The following STX11 variants were observed in gnomAD, a reference collection of about 807,000 sequenced individuals.
STX11 encodes the protein syntaxin 11.
STX11 carries 21 observed loss-of-function variants against 19.9 expected under a neutral mutation model. The ratio of observed to expected loss-of-function variants is 1.06; its 90% CI spans 0.75 to 1.52. STX11 has a LOEUF of 1.52. Among genes scored for constraint, STX11 ranks in the 40% most tolerant of loss-of-function variants. The pLI is 0.00. For missense variants in STX11, 438 were observed against 405.9 expected (o/e 1.08, Z -0.68); for synonymous variants, 193 against 174.4 (o/e 1.11, Z -0.84).
At position 144,175,380 on chromosome 6, in the gene STX11, G is replaced by A. The variant is rs1801753446; in HGVS notation, c.-5-11243G>A. Among the ~76,000 whole-genome samples the A allele has an allele frequency of 6.6e-6, 1 of 152,048 alleles. No individual in the cohort carries two copies. Among genetic ancestry groups the A allele is most frequent in the Non-Finnish European group, 1.5e-5 (1 of 67,998 alleles). ...AAATGGAAATGGCAATTACATAAGA[G>A]TTTTTTTCCACTTTGCTAATAACAT... On this transcript the variant is annotated intron_variant, in intron 1 of 1. Transcript: ENST00000367568. The surrounding 1 kb of genome is among the most constrained non-coding windows in gnomAD (Gnocchi z 5.1).
chr6:144,141,098 A>G, the STX11 span, among the ~76,000 whole-genome samples: 8 of 152,366 alleles, frequency 5.3e-5, no homozygotes, highest in South Asian at 4.1e-4. Flanking sequence ...ATGAGTATTG[A>G]GTAACAGTCT....
the STX11 span, among the ~76,000 whole-genome samples, chr6:144,142,314 A>C: frequency 6.6e-6 from 1 of 152,128 alleles, no homozygotes; most frequent in Non-Finnish European, 1.5e-5. Context: ...AAAATTGTAC[A>C]TTTAAAACAA....
upstream of STX11, chr6:144,150,430 C>T: frequency 6.4e-6 from 6 of 938,348 alleles, no homozygotes; most frequent in East Asian, 1.2e-4. Context: ...CGGCTGCCGC[C>T]GCGCCCCAGC....
Position 144,151,234 on chromosome 6 carries a change from A to G in STX11, c.-6+531A>G. 3.0e-6 allele frequency: 3 copies of G among 985,392 alleles called. No individual in the cohort carries two copies. Among genetic ancestry groups the G allele is most frequent in the Non-Finnish European group, 3.6e-6 (3 of 829,908 alleles). 61.0% of individuals were successfully genotyped at this position (985,392 alleles called of 1,614,324 possible). On this transcript the variant is annotated intron_variant, in intron 1 of 1. Transcript: ENST00000367568. This position sits in a 1 kb window ranked among gnomAD's most constrained non-coding sequence, Gnocchi z 4.6. Reference sequence around the variant, plus strand: ...CGAAGCCCACGTAAGACTTTGTTTTAGAAACATGGAGAGAAGTAGTGGCAA... The same window carrying G: ...CGAAGCCCACGTAAGACTTTGTTTTGGAAACATGGAGAGAAGTAGTGGCAA...
rs1445116061 is a variant in STX11 at position 144,191,667 on chromosome 6, A to G, written c.*4176A>G. On this transcript the variant is annotated 3_prime_UTR_variant, in exon 2 of 2. Coordinates refer to ENST00000367568, the MANE Select transcript of STX11 (RefSeq NM_003764.4). ...TATCTCCAACTGCAGCATGCAACTCATTCATTTGTAATCAAGACGATAGTT... is the reference window on the plus strand; with the variant it reads ...TATCTCCAACTGCAGCATGCAACTCGTTCATTTGTAATCAAGACGATAGTT... 6.6e-6 allele frequency among the ~76,000 whole-genome samples: 1 copy of G among 152,212 alleles called. No homozygotes were observed. The highest frequency in any genetic ancestry group is 2.4e-5 in the African/African-American group (1 of 41,452).
Position 144,174,192 on chromosome 6 carries a change from T to C in STX11, c.-5-12431T>C, listed in dbSNP as rs1801716369. ...CATATAGTGGAATTAAGCTACCCAA[T>C]AGCAAGCCCTTTTGCACAAATGCTT... On this transcript the variant is annotated intron_variant, in intron 1 of 1. Transcript: ENST00000367568. This position sits in a 1 kb window ranked among gnomAD's most constrained non-coding sequence, Gnocchi z 5.3. Among the ~76,000 whole-genome samples, 1 of 152,120 alleles carries C rather than the reference T, an allele frequency of 6.6e-6. No homozygotes were observed. Among genetic ancestry groups the C allele is most frequent in the African/African-American group, 2.4e-5 (1 of 41,432 alleles).
the STX11 span, among the ~76,000 whole-genome samples, chr6:144,141,444 C>T: frequency 6.6e-6 from 1 of 152,212 alleles, no homozygotes; most frequent in Non-Finnish European, 1.5e-5. Flanking sequence ...TTTTTCGCCA[C>T]ATGTTTTCTA....
At position 144,170,320 on chromosome 6, in the gene STX11, A is replaced by T. The variant is rs1025639129; in HGVS notation, c.-5-16303A>T. Among the ~76,000 whole-genome samples the T allele has an allele frequency of 2.0e-5, 3 of 152,222 alleles. No homozygotes were observed. Among genetic ancestry groups the T allele is most frequent in the Non-Finnish European group, 4.4e-5 (3 of 68,044 alleles). ...TATTGGTGCATCCAGCCTGCTGCAC[A>T]CATGCCATTTTATTACCTTTTGTCT... On this transcript the variant is annotated intron_variant, in intron 1 of 1. Coordinates refer to ENST00000367568, the MANE Select transcript of STX11 (RefSeq NM_003764.4). This position sits in a 1 kb window ranked among gnomAD's most constrained non-coding sequence, Gnocchi z 4.7.
rs1801032272 is a variant in STX11 at position 144,152,563 on chromosome 6, G to A, written c.-6+1860G>A. On this transcript the variant is annotated intron_variant, in intron 1 of 1. Transcript: ENST00000367568. The surrounding 1 kb of genome is among the most constrained non-coding windows in gnomAD (Gnocchi z 4.9). ...GAAATTCAGCTGATTATCACCCCTGGACAATTGCAGTCACCTTTAGTTAAC... is the reference window on the plus strand; with the variant it reads ...GAAATTCAGCTGATTATCACCCCTGAACAATTGCAGTCACCTTTAGTTAAC... 6.6e-6 allele frequency among the ~76,000 whole-genome samples: 1 copy of A among 152,142 alleles called. No individual in the cohort carries two copies. Among genetic ancestry groups the A allele is most frequent in the African/African-American group, 2.4e-5 (1 of 41,422 alleles).
chr6:144,147,416 G>A (rs1011150280), upstream of STX11, among the ~76,000 whole-genome samples: 1 of 151,920 alleles, frequency 6.6e-6, no homozygotes, highest in Non-Finnish European at 1.5e-5. This position sits in a 1 kb window ranked among gnomAD's most constrained non-coding sequence, Gnocchi z 4.2. Context: ...TTTTAATTTG[G>A]CTCCTGAAAC....
intron 1 of STX11, among the ~76,000 whole-genome samples, chr6:144,185,915 G>A (rs1040047580): frequency 3.9e-5 from 6 of 152,072 alleles, no homozygotes; most frequent in Non-Finnish European, 8.8e-5. Flanking sequence ...TTTAAGAGTT[G>A]TTAGTGTGTA....
chr6:144,144,174 G>T, the STX11 span, among the ~76,000 whole-genome samples: 3 of 152,228 alleles, frequency 2.0e-5, no homozygotes, highest in South Asian at 6.2e-4. Flanking sequence ...AGGAGTAAGT[G>T]AAACAGGCAT....
Position 144,177,674 on chromosome 6 carries a change from C to T in STX11, c.-5-8949C>T, listed in dbSNP as rs1319578692. On this transcript the variant is annotated intron_variant, in intron 1 of 1. Transcript: ENST00000367568. The surrounding 1 kb of genome is among the most constrained non-coding windows in gnomAD (Gnocchi z 4.4). ...CTGAGGCAGGAGAATTGCTTGAACC[C>T]GGGAGGCAAAGGTTGCGGTGAGCCA... 5.3e-5 allele frequency among the ~76,000 whole-genome samples: 8 copies of T among 152,254 alleles called. No homozygotes were observed. Among genetic ancestry groups the T allele is most frequent in the Admixed American group, 3.3e-4 (5 of 15,290 alleles).
rs572772651 is a variant in STX11 at position 144,153,212 on chromosome 6, A to C, written c.-6+2509A>C. Among the ~76,000 whole-genome samples, 2 of 152,304 alleles carry C rather than the reference A, an allele frequency of 1.3e-5. No homozygotes were observed. The highest frequency in any genetic ancestry group is 1.3e-4 in the Admixed American group (2 of 15,302). On this transcript the variant is annotated intron_variant, in intron 1 of 1. Coordinates refer to ENST00000367568, the MANE Select transcript of STX11 (RefSeq NM_003764.4). The surrounding 1 kb of genome is among the most constrained non-coding windows in gnomAD (Gnocchi z 5.0). ...AACTTTACCTTAATTTCCAAACTTT[A>C]TTCCTCCTTTGAGAGCCCTAAAGTT...
rs534661645 is a variant in STX11 at position 144,183,772 on chromosome 6, G to C, written c.-5-2851G>C. Among the ~76,000 whole-genome samples, 5 of 152,198 alleles carry C rather than the reference G, an allele frequency of 3.3e-5. No homozygotes were observed. Among genetic ancestry groups the C allele is most frequent in the African/African-American group, 1.2e-4 (5 of 41,526 alleles). On this transcript the variant is annotated intron_variant, in intron 1 of 1. Coordinates refer to ENST00000367568, the MANE Select transcript of STX11 (RefSeq NM_003764.4). This position sits in a 1 kb window ranked among gnomAD's most constrained non-coding sequence, Gnocchi z 4.6. Reference sequence around the variant, plus strand: ...CCGGGGTACACGTGCAAGATGCGCAGGTTTGTTACAGAGGTAAACATGTGC... The same window carrying C: ...CCGGGGTACACGTGCAAGATGCGCACGTTTGTTACAGAGGTAAACATGTGC...
In STX11 at chr6:144,190,356, G is replaced by A. The variant is rs944288137; in HGVS notation, c.*2865G>A. Among the ~76,000 whole-genome samples, 1 of 152,204 alleles carries A rather than the reference G, an allele frequency of 6.6e-6. No individual in the cohort carries two copies. The highest frequency in any genetic ancestry group is 2.4e-5 in the African/African-American group (1 of 41,444). ...AGAGCTGTTGTGAAAAGTGATGACT[G>A]AATATGTAAAAGCACCTAGAACAGT... is the stretch of plus-strand genomic sequence containing the variant. On this transcript the variant is annotated 3_prime_UTR_variant, in exon 2 of 2. Coordinates refer to ENST00000367568, the MANE Select transcript of STX11 (RefSeq NM_003764.4).
rs1801522231 is a variant in STX11 at position 144,167,772 on chromosome 6, C to T, written c.-6+17069C>T. Among the ~76,000 whole-genome samples, 2 of 152,044 alleles carry T rather than the reference C, an allele frequency of 1.3e-5. No homozygotes were observed. Among genetic ancestry groups the T allele is most frequent in the South Asian group, 4.1e-4 (2 of 4,822 alleles). On this transcript the variant is annotated intron_variant, in intron 1 of 1. Transcript: ENST00000367568. The surrounding 1 kb of genome is among the most constrained non-coding windows in gnomAD (Gnocchi z 5.0). The stretch of plus-strand genomic sequence containing the variant: ...CAGCTGGGAATACAGGTGTACACCA[C>T]TGCTCTCGGCTAATTATTGTAGTTT...
chr6:144,150,969 G>A (rs1315650416), intron 1 of STX11, among the ~76,000 whole-genome samples: 1 of 152,202 alleles, frequency 6.6e-6, no homozygotes, highest in Non-Finnish European at 1.5e-5. Flanking sequence ...AGGATTTAGT[G>A]CTTCGTAAGA....
At chr6:144,142,375 G>A in the STX11 span, among the ~76,000 whole-genome samples, 7 of 152,066 alleles carry the variant, frequency 4.6e-5, no homozygotes, top group Non-Finnish European at 1.0e-4. Context: ...ATGATGACTT[G>A]TTTGCAGTAC....
Sources: gnomAD v4.1 joint callset for allele counts (sites outside exome capture counted in the v4.1 genomes callset) on GRCh38, gnomAD v4.1.1 for gene constraint, Gnocchi (gnomAD v3.1) non-coding constraint, MANE v1.5 for transcripts, NCBI Gene and HGNC (gene_info 2026-07-23, HGNC 2026-07-21) for gene names.